Variants in KLRG1 observed in about 807,000 individuals in gnomAD.
KLRG1 encodes killer cell lectin-like receptor subfamily G member 1.
In KLRG1, 16 loss-of-function variants were observed where a neutral mutation model predicts 21.8. That is an observed-to-expected ratio of 0.73 (90% CI 0.50 to 1.11). KLRG1 has a LOEUF of 1.11. Among genes scored for constraint, KLRG1 ranks in the 50% most tolerant of loss-of-function variants. The pLI is 0.00. For synonymous variants in KLRG1, 69 were observed against 75.9 expected (o/e 0.91, Z 0.47); for missense variants, 173 against 218.3 (o/e 0.79, Z 1.31).
intron 1 of KLRG1, among the ~76,000 whole-genome samples, chr12:8,983,562 A>C (rs772543256): frequency 1.3e-5 from 2 of 151,332 alleles, no homozygotes; most frequent in Admixed American, 1.3e-4. Context: ...CACCACACCT[A>C]GCTAATTTTT....
At chr12:9,183,687 C>T in the KLRG1 span, among the ~76,000 whole-genome samples, 1 of 152,124 alleles carries the variant, frequency 6.6e-6, no homozygotes, top group Non-Finnish European at 1.5e-5. Flanking sequence ...ATGTGCCCGG[C>T]CAAAATTTAC....
the KLRG1 span, chr12:9,192,286 C>A: frequency 3.1e-6 from 5 of 1,603,104 alleles, no homozygotes; most frequent in South Asian, 2.2e-5. Context: ...AAGGAAATTT[C>A]TTGAGCTGGA....
At chr12:9,052,888 A>T in the KLRG1 span, 1 of 434,174 alleles carries the variant, frequency 2.3e-6, no homozygotes. Flanking sequence ...GTAGATACTC[A>T]GTATTGCCTT....
chr12:9,091,289 A>G, the KLRG1 span: 1 of 1,614,188 alleles, frequency 6.2e-7, no homozygotes, highest in South Asian at 1.1e-5. Context: ...TGTGAGCTCC[A>G]CAAAGAAGGG....
intron 1 of KLRG1, among the ~76,000 whole-genome samples, chr12:8,956,258 G>A (rs181082052): frequency 2.6e-5 from 4 of 152,276 alleles, no homozygotes; most frequent in African/African-American, 9.6e-5. Context: ...TGGTGGTGGC[G>A]CCAGGCCAGC....
the KLRG1 span, among the ~76,000 whole-genome samples, chr12:9,181,603 G>T: frequency 6.6e-6 from 1 of 152,128 alleles, no homozygotes; most frequent in African/African-American, 2.4e-5. Context: ...GCAGAATAAG[G>T]ATAGATACCT....
At chr12:9,012,982 C>G (rs908525353), downstream of KLRG1, among the ~76,000 whole-genome samples, 139 of 152,300 alleles carry the variant, frequency 9.1e-4, no homozygotes, top group African/African-American at 3.2e-3. Flanking sequence ...CACTATTCCC[C>G]AAGCTCCAGA....
the KLRG1 span, chr12:9,170,063 A>G: frequency 6.6e-6 from 1 of 152,360 alleles, no homozygotes; most frequent in East Asian, 1.9e-4. The surrounding 1 kb of genome is among the most constrained non-coding windows in gnomAD (Gnocchi z 4.6). Context: ...TGGAATGAAA[A>G]AGCTTATTAA....
At chr12:9,171,307 A>G in the KLRG1 span, among the ~76,000 whole-genome samples, 1 of 152,212 alleles carries the variant, frequency 6.6e-6, no homozygotes, top group African/African-American at 2.4e-5. Flanking sequence ...AAACAAACAG[A>G]AAACAACAGC....
At chr12:9,020,106 G>C in the KLRG1 span, among the ~76,000 whole-genome samples, 1 of 151,860 alleles carries the variant, frequency 6.6e-6, no homozygotes, top group South Asian at 2.1e-4. Context: ...TTTAGGGATG[G>C]GGTCTTGCTG....
At chr12:9,182,777 G>A in the KLRG1 span, among the ~76,000 whole-genome samples, 3 of 152,156 alleles carry the variant, frequency 2.0e-5, no homozygotes, top group Admixed American at 2.0e-4. Flanking sequence ...GGTCCACTGG[G>A]GACTTGAGTA....
chr12:8,954,324 A>T (rs1946253834), intron 1 of KLRG1, among the ~76,000 whole-genome samples: 1 of 152,058 alleles, frequency 6.6e-6, no homozygotes, highest in Admixed American at 6.5e-5. Context: ...AGTTGCGGTT[A>T]GATTCTAATG....
intron 1 of KLRG1, among the ~76,000 whole-genome samples, chr12:8,974,672 T>C (rs1946628208): frequency 6.6e-6 from 1 of 152,220 alleles, no homozygotes; most frequent in Non-Finnish European, 1.5e-5. Flanking sequence ...ATTACATTCA[T>C]TGATTTGCTA....
At chr12:9,029,140 G>C in the KLRG1 span, 2 of 318,706 alleles carry the variant, frequency 6.3e-6, no homozygotes, top group Non-Finnish European at 1.2e-5. Context: ...TGGTGTCCAA[G>C]GGCAGAAAGG....
In KLRG1 at chr12:8,969,178, C is replaced by T. The variant is rs138822122; in HGVS notation, c.-156+18942C>T. Among the ~76,000 whole-genome samples the T allele has an allele frequency of 2.9e-3, 442 of 152,320 alleles. 3 individuals carry two copies. The highest frequency in any genetic ancestry group is 0.01 in the African/African-American group (416 of 41,560). ...CTTCCAGGCAAAACCGTGTCTGGCT[C>T]CTCCAGCCAGGCTGAGTCTGCTGTG... On this transcript the variant is annotated intron_variant, in intron 1 of 4. Coordinates refer to the KLRG1 transcript ENST00000539240.
the KLRG1 span, among the ~76,000 whole-genome samples, chr12:9,084,191 G>A: frequency 6.6e-6 from 1 of 152,116 alleles, no homozygotes; most frequent in Non-Finnish European, 1.5e-5. Flanking sequence ...AATTACTGAA[G>A]GGAGTTCTTT....
the KLRG1 span, among the ~76,000 whole-genome samples, chr12:9,176,472 G>T: frequency 2.8e-4 from 42 of 152,162 alleles, no homozygotes; most frequent in South Asian, 2.1e-3. Context: ...GTTGAAGAAA[G>T]AAATAAATAA....
At chr12:9,139,611 CT>C in the KLRG1 span, among the ~76,000 whole-genome samples, 2 of 152,120 alleles carry the variant, frequency 1.3e-5, no homozygotes, top group Non-Finnish European at 2.9e-5. Flanking sequence ...AGGTGTTCTA[CT>C]GTTGGATGCA....
chr12:9,112,062 C>T, the KLRG1 span: 3 of 1,124,632 alleles, frequency 2.7e-6, no homozygotes, highest in South Asian at 1.2e-5. Context: ...TTAATGATAC[C>T]AGATTCTTCC....
Sources: gnomAD v4.1 joint callset for allele counts (sites outside exome capture counted in the v4.1 genomes callset) on GRCh38, gnomAD v4.1.1 for gene constraint, Gnocchi (gnomAD v3.1) non-coding constraint, MANE v1.5 for transcripts, NCBI Gene and HGNC (gene_info 2026-07-23, HGNC 2026-07-21) for gene names.